The following CCSER1 variants were observed in gnomAD, a reference collection of about 807,000 sequenced individuals.
CCSER1 encodes serine-rich coiled-coil domain-containing protein 1.
In CCSER1, 41 loss-of-function variants were observed where a neutral mutation model predicts 82.0. That is an observed-to-expected ratio of 0.50 (90% confidence interval 0.39 to 0.65). CCSER1 has a LOEUF of 0.65. Ranked by LOEUF, CCSER1 falls within the 30% of genes least tolerant of loss-of-function variation. CCSER1 has a pLI of 0.00. For synonymous variants in CCSER1, 414 were observed against 383.9 expected (o/e 1.08, Z -0.92); for missense variants, 1,119 against 1,064.2 (o/e 1.05, Z -0.72).
intron 10 of CCSER1, among the ~76,000 whole-genome samples, chr4:91,371,083 G>A (rs530645029): frequency 1.3e-5 from 2 of 152,134 alleles, no homozygotes; most frequent in Admixed American, 6.5e-5. Flanking sequence ...GGCTTATCTC[G>A]AACTCCTGAC....
chr4:90,974,874 C>A (rs978999320), intron 9 of CCSER1, among the ~76,000 whole-genome samples: 1 of 151,154 alleles, frequency 6.6e-6, no homozygotes, highest in Non-Finnish European at 1.5e-5. Flanking sequence ...CAGTGTATAC[C>A]CAATATATAA....
intron 5 of CCSER1, among the ~76,000 whole-genome samples, chr4:90,506,826 A>G (rs1233123212): frequency 1.3e-5 from 2 of 152,180 alleles, no homozygotes; most frequent in African/African-American, 4.8e-5. Context: ...AACATTGTTA[A>G]ACTAAATAAT....
chr4:90,646,536 C>T (rs1332647518), intron 6 of CCSER1, among the ~76,000 whole-genome samples: 1 of 152,068 alleles, frequency 6.6e-6, no homozygotes, highest in African/African-American at 2.4e-5. Flanking sequence ...TTCTACCCAA[C>T]CTTGCAAAAA....
chr4:90,866,745 G>A (rs1450333938), intron 8 of CCSER1, among the ~76,000 whole-genome samples: 3 of 151,966 alleles, frequency 2.0e-5, no homozygotes, highest in Non-Finnish European at 1.5e-5. Context: ...TGGCACCAGG[G>A]ACTGGTTTTG....
At chr4:90,484,722 T>C (rs1420944771) in intron 5 of CCSER1, among the ~76,000 whole-genome samples, 1 of 152,160 alleles carries the variant, frequency 6.6e-6, no homozygotes, top group Admixed American at 6.5e-5. Context: ...TCCCTGATGG[T>C]TCCTCTGGAA....
At chr4:91,500,057 T>C (rs1276773684) in intron 10 of CCSER1, among the ~76,000 whole-genome samples, 2 of 152,094 alleles carry the variant, frequency 1.3e-5, no homozygotes, top group Non-Finnish European at 2.9e-5. Flanking sequence ...CAAATTGTCT[T>C]CCAAAGTGGC....
At chr4:90,616,956 A>G (rs1187743207) in intron 5 of CCSER1, among the ~76,000 whole-genome samples, 1 of 152,104 alleles carries the variant, frequency 6.6e-6, no homozygotes, top group African/African-American at 2.4e-5. Context: ...CTCTGGAGCC[A>G]GACTCTGGGT....
intron 9 of CCSER1, among the ~76,000 whole-genome samples, chr4:90,963,404 A>G (rs976811103): frequency 6.6e-6 from 1 of 152,208 alleles, no homozygotes; most frequent in African/African-American, 2.4e-5. Flanking sequence ...TATGAAATAC[A>G]TATATACATT....
intron 1 of CCSER1, among the ~76,000 whole-genome samples, chr4:90,133,579 C>T (rs565833469): frequency 3.9e-5 from 6 of 152,300 alleles, no homozygotes; most frequent in South Asian, 2.1e-4. Flanking sequence ...CATAGCTCTA[C>T]GTCTTTCAAG....
At chr4:91,578,918 A>G (rs568133530) in intron 10 of CCSER1, among the ~76,000 whole-genome samples, 2 of 151,912 alleles carry the variant, frequency 1.3e-5, no homozygotes, top group East Asian at 1.9e-4. Context: ...CTATTTGTCT[A>G]TTCATCCATC....
At chr4:90,435,390 T>G (rs1758864156) in intron 4 of CCSER1, among the ~76,000 whole-genome samples, 1 of 152,162 alleles carries the variant, frequency 6.6e-6, no homozygotes, top group African/African-American at 2.4e-5. Context: ...GAAGCCCTGT[T>G]TCTCCTAGAG....
At chr4:91,062,297 C>A (rs1744022628) in intron 9 of CCSER1, among the ~76,000 whole-genome samples, 1 of 152,012 alleles carries the variant, frequency 6.6e-6, no homozygotes, top group South Asian at 2.1e-4. Context: ...CCTTGCATCC[C>A]TGCTAATGAT....
At chr4:90,174,279 A>T (rs983854352) in intron 1 of CCSER1, among the ~76,000 whole-genome samples, 1 of 151,992 alleles carries the variant, frequency 6.6e-6, no homozygotes, top group African/African-American at 2.4e-5. Context: ...AAAGCATACA[A>T]AAAGTTTATA....
rs544506141 is a variant in CCSER1, at chr4:91,135,093, T to C, written c.2217+49099T>C. Among the ~76,000 whole-genome samples, 33 of 151,700 alleles carry C rather than the reference T, an allele frequency of 2.2e-4. No individual in the cohort carries two copies. The East Asian group carries it at 6.0e-3, about 28-fold the overall frequency. On this transcript the variant is annotated intron_variant, in intron 10 of 10. Coordinates refer to ENST00000509176, the MANE Select transcript of CCSER1 (RefSeq NM_001145065.2). ...AAAAAAAACTATTCTTACTTAATTT[T>C]CCCCCCACTTACTGACTACAAAAGA... is the stretch of plus-strand genomic sequence containing the variant.
chr4:91,182,040 TC>T (rs1438530467), intron 10 of CCSER1, among the ~76,000 whole-genome samples: 1 of 152,216 alleles, frequency 6.6e-6, no homozygotes, highest in African/African-American at 2.4e-5. Flanking sequence ...TGACTGGTTG[TC>T]CCACTTTTGT....
At chr4:90,628,309 C>A in intron 6 of CCSER1, 77 bp downstream of exon 6, 2 of 1,133,480 alleles carry the variant, frequency 1.8e-6, no homozygotes, top group South Asian at 1.3e-5. Flanking sequence ...AGACCCTGCT[C>A]TGTCAGTAAT....
At chr4:90,512,017 T>G (rs1771599699) in intron 5 of CCSER1, among the ~76,000 whole-genome samples, 1 of 152,024 alleles carries the variant, frequency 6.6e-6, no homozygotes, top group African/African-American at 2.4e-5. Context: ...ACTGGAGGTT[T>G]GAGAAGAGAG....
intron 8 of CCSER1, among the ~76,000 whole-genome samples, chr4:90,880,396 A>G (rs1366699503): frequency 6.6e-6 from 1 of 152,154 alleles, no homozygotes; most frequent in Admixed American, 6.5e-5. Context: ...GGTCCAAGCC[A>G]GAGGTTCCCT....
At chr4:90,686,317 T>C (rs994711908) in intron 6 of CCSER1, among the ~76,000 whole-genome samples, 2 of 152,084 alleles carry the variant, frequency 1.3e-5, no homozygotes, top group Non-Finnish European at 1.5e-5. Flanking sequence ...TATTATGTGT[T>C]CCTTCTAACT....
Sources: allele counts gnomAD v4.1 joint callset (sites outside exome capture counted in the v4.1 genomes callset), GRCh38; gene constraint gnomAD v4.1.1; transcripts MANE v1.5; gene names NCBI Gene and HGNC (gene_info 2026-07-23, HGNC 2026-07-21).